TENM2: variants seen among roughly 807,000 people sequenced by gnomAD.
The protein encoded by TENM2 is teneurin-2.
TENM2 carries 52 observed loss-of-function variants against 245.2 expected under a neutral mutation model. The ratio of observed to expected loss-of-function variants is 0.21; its 90% CI spans 0.17 to 0.27. TENM2 has a LOEUF of 0.27. TENM2 is among the 10% of genes least tolerant of loss of function. The pLI, the probability that TENM2 is intolerant of heterozygous loss-of-function variation, is 1.00. For missense variants in TENM2, 3,046 were observed against 3,666.8 expected, an observed-to-expected ratio of 0.83 and a Z score of 4.37; for synonymous variants, 1,363 against 1,438.9, an observed-to-expected ratio of 0.95 and a Z score of 1.19.
Position 167,495,621 on chromosome 5 carries a change from TTGATTTCTG to T in TENM2, c.502+120158_502+120166del, listed in dbSNP as rs561402766. 1.8e-4 allele frequency among the ~76,000 whole-genome samples: 27 copies of T among 152,222 alleles called. No homozygotes were observed. In the East Asian group the frequency reaches 5.0e-3, roughly 28 times the overall value. ...GCTGGCAATATACTATAGTGGTGTC[TTGATTTCTG>T]TGATTTCTGAGATCCGGATTGTTCT... On this transcript the variant is annotated intron_variant, in intron 2 of 28. Transcript: ENST00000518659.
intron 2 of TENM2, among the ~76,000 whole-genome samples, chr5:167,787,496 T>C (rs1764662384): frequency 6.6e-6 from 1 of 152,196 alleles, no homozygotes; most frequent in African/African-American, 2.4e-5. Flanking sequence ...AGGATGGATA[T>C]CTATCATGCT....
exon 16 of TENM2, chr5:168,199,055 C>T: frequency 6.2e-7 from 1 of 1,613,922 alleles, no homozygotes; most frequent in Non-Finnish European, 8.5e-7. Flanking sequence ...CATCTCCTCC[C>T]CACTGTCCAC....
intron 2 of TENM2, among the ~76,000 whole-genome samples, chr5:167,594,267 A>C (rs1776056375): frequency 6.6e-6 from 1 of 152,174 alleles, no homozygotes; most frequent in Non-Finnish European, 1.5e-5. Context: ...TAGAAGTTGT[A>C]TTCCCCATTG....
chr5:167,418,141 C>A (rs1288389782), intron 2 of TENM2, among the ~76,000 whole-genome samples: 1 of 151,958 alleles, frequency 6.6e-6, no homozygotes, highest in African/African-American at 2.4e-5. Context: ...AACAGCCTGA[C>A]CAACATGATG....
At chr5:167,708,612 C>G (rs930168380) in intron 2 of TENM2, among the ~76,000 whole-genome samples, 4 of 152,108 alleles carry the variant, frequency 2.6e-5, no homozygotes, top group African/African-American at 9.7e-5. Context: ...ATGGAGAGGA[C>G]TTGGGTAGAG....
chr5:167,339,526 T>G (rs1170684800), intron 1 of TENM2, among the ~76,000 whole-genome samples: 2 of 152,172 alleles, frequency 1.3e-5, no homozygotes, highest in Non-Finnish European at 2.9e-5. Context: ...CTTTTTTTTT[T>G]CAATATGCAT....
chr5:167,438,663 C>T (rs1477209951), intron 2 of TENM2, among the ~76,000 whole-genome samples: 1 of 152,174 alleles, frequency 6.6e-6, no homozygotes. Flanking sequence ...TCCCAAAGTG[C>T]TGGGATTATA....
In TENM2 at chr5:168,218,505, G is replaced by A. The variant is rs748690256; in HGVS notation, c.4614G>A (p.Ala1538=). The change falls in exon 23 of 29, where the codon GCG becomes GCA. Residue 1538 remains alanine (A), a synonymous_variant. Transcript: ENST00000518659. This position sits in a 1 kb window ranked among gnomAD's most constrained non-coding sequence, Gnocchi z 5.2. The stretch of plus-strand genomic sequence containing the variant: ...GCTATTCAGGAGATGATGCCTACGC[G>A]ACTGATGCCATCTTGAATTCCCCAT... 1.4e-5 allele frequency: 22 copies of A among 1,613,980 alleles called. No individual in the cohort carries two copies. Among genetic ancestry groups the A allele is most frequent in the Non-Finnish European group, 1.6e-5 (19 of 1,179,896 alleles).
At chr5:167,646,202 T>C (rs1275419629) in intron 2 of TENM2, among the ~76,000 whole-genome samples, 6 of 105,448 alleles carry the variant, frequency 5.7e-5, no homozygotes, top group Non-Finnish European at 1.1e-4. Flanking sequence ...GTTGTTTTCA[T>C]ATATATATAT....
At chr5:167,595,043 C>G (rs1025803941) in intron 2 of TENM2, among the ~76,000 whole-genome samples, 4 of 152,158 alleles carry the variant, frequency 2.6e-5, no homozygotes, top group African/African-American at 9.7e-5. Flanking sequence ...AGTGCAAAAT[C>G]AAGCAGCCCT....
the TENM2 span, among the ~76,000 whole-genome samples, chr5:167,200,551 A>G: frequency 1.3e-5 from 2 of 152,082 alleles, no homozygotes; most frequent in Non-Finnish European, 2.9e-5. Flanking sequence ...GAAGCACTAC[A>G]TAGAAGTGAG....
At chr5:167,089,822 C>T in the TENM2 span, among the ~76,000 whole-genome samples, 1 of 152,134 alleles carries the variant, frequency 6.6e-6, no homozygotes, top group South Asian at 2.1e-4. Context: ...GACCACTTTA[C>T]TTGCTTTTCA....
At chr5:167,225,913 A>T in the TENM2 span, among the ~76,000 whole-genome samples, 1 of 151,868 alleles carries the variant, frequency 6.6e-6, no homozygotes, top group Non-Finnish European at 1.5e-5. Flanking sequence ...GTTTCCAGGA[A>T]TTTATTTGTT....
intron 2 of TENM2, among the ~76,000 whole-genome samples, chr5:167,825,017 G>A (rs1190085256): frequency 2.0e-5 from 3 of 152,192 alleles, no homozygotes; most frequent in African/African-American, 7.2e-5. Flanking sequence ...GACAAATACA[G>A]AAAGAGTGTG....
At chr5:167,019,682 G>A in the TENM2 span, among the ~76,000 whole-genome samples, 4 of 151,856 alleles carry the variant, frequency 2.6e-5, no homozygotes, top group African/African-American at 9.7e-5. Context: ...GTTGGCCCAG[G>A]TGGTCTCAAA....
intron 2 of TENM2, among the ~76,000 whole-genome samples, chr5:167,426,764 A>C (rs948144484): frequency 2.0e-5 from 3 of 152,142 alleles, no homozygotes; most frequent in Non-Finnish European, 4.4e-5. Flanking sequence ...AGAGTTTATC[A>C]GCGAATGTTT....
At chr5:167,415,641 A>AT (rs112480527) in intron 2 of TENM2, among the ~76,000 whole-genome samples, 5,798 of 151,996 alleles carry the variant, frequency 0.038, 230 homozygotes, top group African/African-American at 0.099. Context: ...AGTAAGTTAG[A>AT]TTTTTTCCTT....
At chr5:167,419,720 C>A (rs1316732996) in intron 2 of TENM2, among the ~76,000 whole-genome samples, 2 of 152,166 alleles carry the variant, frequency 1.3e-5, no homozygotes, top group African/African-American at 4.8e-5. Flanking sequence ...TCATCACTTT[C>A]TGTATGTTTT....
intron 1 of TENM2, among the ~76,000 whole-genome samples, chr5:167,330,904 T>C (rs896891379): frequency 1.3e-5 from 2 of 152,176 alleles, no homozygotes; most frequent in African/African-American, 4.8e-5. Context: ...TTTTGGTCAC[T>C]ACAGGCTTTT....
Sources: gnomAD v4.1 joint callset for allele counts (sites outside exome capture counted in the v4.1 genomes callset) on GRCh38, gnomAD v4.1.1 for gene constraint, Gnocchi (gnomAD v3.1) non-coding constraint, MANE v1.5 for transcripts, NCBI Gene and HGNC (gene_info 2026-07-23, HGNC 2026-07-21) for gene names.